Variants in MAPK10 observed in about 807,000 individuals in gnomAD.
MAPK10 encodes mitogen-activated protein kinase 10, also known as JNK3 alpha protein kinase.
A neutral mutation model predicts 59.3 loss-of-function variants in MAPK10; 25 were observed. The ratio of observed to expected loss-of-function variants is 0.42; its 90% CI spans 0.31 to 0.59. The LOEUF is 0.59. Ranked by LOEUF, MAPK10 falls within the 20% of genes least tolerant of loss-of-function variation. The pLI is 0.15. For missense variants in MAPK10, 351 were observed against 568.9 expected (o/e 0.62, Z 3.90); for synonymous variants, 190 against 200.5 (o/e 0.95, Z 0.44).
intron 1 of MAPK10, among the ~76,000 whole-genome samples, chr4:86,519,670 A>G (rs28794285): frequency 2.3e-3 from 350 of 152,164 alleles, no homozygotes; most frequent in Middle Eastern, 6.8e-3. Flanking sequence ...TTGCCTGAAT[A>G]CCTCATTTTG....
chr4:86,110,799 T>C (rs2057359254), intron 4 of MAPK10, among the ~76,000 whole-genome samples: 1 of 152,220 alleles, frequency 6.6e-6, no homozygotes, highest in Non-Finnish European at 1.5e-5. Context: ...GGGAATTGCA[T>C]TGAATCTATA....
rs528472492 is a variant in MAPK10, at chr4:86,181,249, AG to A, written c.66+13086del. 8.6e-3 allele frequency among the ~76,000 whole-genome samples: 1,311 copies of A among 152,208 alleles called. 12 individuals carry two copies. Among genetic ancestry groups the A allele is most frequent in the Non-Finnish European group, 0.014 (984 of 67,972 alleles). On this transcript the variant is annotated intron_variant, in intron 3 of 13. Transcript: ENST00000641462. ...TGAATGGTAAAATCAATAATCAATC[AG>A]TCAACGAGTAGATAAGGAGCCAAAA... is the stretch of plus-strand genomic sequence containing the variant.
At chr4:86,554,599 C>G (rs1760108322) in intron 1 of MAPK10, among the ~76,000 whole-genome samples, 1 of 152,132 alleles carries the variant, frequency 6.6e-6, no homozygotes, top group African/African-American at 2.4e-5. Flanking sequence ...TCCCTATTTC[C>G]TCAGCCACTA....
chr4:86,404,994 T>G (rs1053930045), intron 1 of MAPK10, among the ~76,000 whole-genome samples: 4 of 152,204 alleles, frequency 2.6e-5, no homozygotes, highest in African/African-American at 9.6e-5. Flanking sequence ...CTAAATGAGA[T>G]AATCCTATTA....
chr4:86,192,542 C>T (rs1045244625), intron 3 of MAPK10: 2 of 151,786 alleles, frequency 1.3e-5, no homozygotes, highest in Non-Finnish European at 2.9e-5. Context: ...CTCTGATATC[C>T]TTTCTTCCGC....
rs3030118 is a variant in MAPK10 at position 86,351,269 on chromosome 4, T to TAC, written c.-7+3259_-7+3260dup. On this transcript the variant is annotated intron_variant, in intron 2 of 13. Transcript: ENST00000641462. ...TATCTGTATTTTATATATATATATA[T>TAC]ACACACACACACACGCAATATATAT... Among the ~76,000 whole-genome samples, 55 of 150,424 alleles carry TAC rather than the reference T, an allele frequency of 3.7e-4. 1 individual carries two copies. Among genetic ancestry groups the TAC allele is most frequent in the Middle Eastern group, 3.4e-3 (1 of 290 alleles).
At chr4:86,277,441 A>C (rs2094619142) in intron 2 of MAPK10, among the ~76,000 whole-genome samples, 2 of 152,112 alleles carry the variant, frequency 1.3e-5, no homozygotes, top group African/African-American at 4.8e-5. Flanking sequence ...TAAAATTAAA[A>C]TCCAGGGCTC....
chr4:86,262,778 T>G (rs1360286168), intron 2 of MAPK10, among the ~76,000 whole-genome samples: 7 of 152,196 alleles, frequency 4.6e-5, no homozygotes. Flanking sequence ...TGCCCTATGC[T>G]TGATTCCGAA....
At chr4:86,257,154 T>C (rs1184150853) in intron 2 of MAPK10, among the ~76,000 whole-genome samples, 1 of 152,214 alleles carries the variant, frequency 6.6e-6, no homozygotes, top group African/African-American at 2.4e-5. Flanking sequence ...CTAGCATGAA[T>C]ATATCTCCAA....
At chr4:86,268,472 C>G (rs2094328271) in intron 2 of MAPK10, 2 of 152,398 alleles carry the variant, frequency 1.3e-5, no homozygotes, top group Non-Finnish European at 2.9e-5. Context: ...TTTCCTGCTG[C>G]AACTGGAATA....
chr4:86,405,547 A>G (rs866670558), intron 1 of MAPK10, among the ~76,000 whole-genome samples: 1 of 152,256 alleles, frequency 6.6e-6, no homozygotes, highest in African/African-American at 2.4e-5. Context: ...ACACACACAC[A>G]TAAAATTGCT....
intron 1 of MAPK10, among the ~76,000 whole-genome samples, chr4:86,484,030 G>T (rs1753795786): frequency 6.6e-6 from 1 of 152,268 alleles, no homozygotes; most frequent in Non-Finnish European, 1.5e-5. Flanking sequence ...ATGCACTTCA[G>T]GGGAGCCACA....
At chr4:86,098,767 AAC>A (rs1456112839) in intron 8 of MAPK10, 172 bp from the exon 9 acceptor site, 3 of 581,826 alleles carry the variant, frequency 5.2e-6, no homozygotes, top group African/African-American at 1.9e-5. Context: ...CTATTACATA[AAC>A]AGTGTTTAGT....
At chr4:86,475,243 C>G (rs1683549076) in intron 1 of MAPK10, among the ~76,000 whole-genome samples, 1 of 152,158 alleles carries the variant, frequency 6.6e-6, no homozygotes, top group African/African-American at 2.4e-5. Flanking sequence ...GGTGCCATGA[C>G]TCGGATCAGG....
intron 11 of MAPK10, chr4:86,041,036 A>G (rs1231583641): frequency 6.6e-6 from 1 of 152,160 alleles, no homozygotes; most frequent in African/African-American, 2.4e-5. Flanking sequence ...AAAGTGTAAA[A>G]CTCACTTACA....
At chr4:86,305,964 TAAAG>T (rs2095560355) in intron 2 of MAPK10, among the ~76,000 whole-genome samples, 1 of 151,916 alleles carries the variant, frequency 6.6e-6, no homozygotes, top group Admixed American at 6.6e-5. Context: ...AACTGGCAAA[TAAAG>T]AAATAGATAA....
At chr4:86,403,519 TCA>T (rs1181539803) in intron 1 of MAPK10, among the ~76,000 whole-genome samples, 3 of 151,506 alleles carry the variant, frequency 2.0e-5, no homozygotes, top group Non-Finnish European at 2.9e-5. Flanking sequence ...AGAGAGTCTG[TCA>T]CACACACACA....
intron 1 of MAPK10, among the ~76,000 whole-genome samples, chr4:86,380,455 G>C (rs1242583181): frequency 1.3e-5 from 2 of 152,092 alleles, no homozygotes; most frequent in Non-Finnish European, 2.9e-5. Flanking sequence ...TTAACACAGT[G>C]AATAGGTCAA....
At chr4:86,171,666 G>T (rs1203231171) in intron 3 of MAPK10, among the ~76,000 whole-genome samples, 2 of 152,148 alleles carry the variant, frequency 1.3e-5, no homozygotes, top group Non-Finnish European at 2.9e-5. Flanking sequence ...CATAGGCATG[G>T]ACAAGGACTT....
Sources: gnomAD v4.1 joint callset for allele counts (sites outside exome capture counted in the v4.1 genomes callset) on GRCh38, gnomAD v4.1.1 for gene constraint, MANE v1.5 for transcripts, NCBI Gene and HGNC (gene_info 2026-07-23, HGNC 2026-07-21) for gene names.